The following CDH23 variants were observed in gnomAD, a reference collection of about 807,000 sequenced individuals.
CDH23 encodes the protein cadherin-23.
Under a neutral mutation model 317.1 loss-of-function variants are expected in CDH23, and 189 were observed. The observed-to-expected ratio is 0.60, with a 90% confidence interval of 0.53 to 0.67. The LOEUF is 0.67. CDH23 is among the 30% of genes least tolerant of loss of function. The probability of loss-of-function intolerance (pLI) is 0.00; values close to 1 mark genes in which losing one functional copy is unlikely to be tolerated. For synonymous variants in CDH23, 1,839 were observed against 1,876.8 expected, an observed-to-expected ratio of 0.98 and a Z score of 0.52; for missense variants, 4,401 against 4,592.4, an observed-to-expected ratio of 0.96 and a Z score of 1.20.
intron 2 of CDH23, among the ~76,000 whole-genome samples, chr10:71,440,211 TG>T (rs1354284995): frequency 1.3e-5 from 2 of 152,198 alleles, no homozygotes; most frequent in Non-Finnish European, 2.9e-5. Context: ...GTGCAGGGAC[TG>T]GCCACAGCTC....
At chr10:71,564,389 T>C (rs1198690849) in intron 6 of CDH23, among the ~76,000 whole-genome samples, 1 of 152,252 alleles carries the variant, frequency 6.6e-6, no homozygotes, top group Admixed American at 6.5e-5. Context: ...CTTCTAAGTA[T>C]ATGAATGGCT....
At position 71,400,415 on chromosome 10, in the gene CDH23, G is replaced by C. The variant is rs1010195454; in HGVS notation, c.-6+3097G>C. ...CTGCCAGGGGACAAGGTGATGAGGA[G>C]GAACTATGGGAGACACAGTCATGGG... On this transcript the variant is annotated intron_variant, in intron 1 of 69. Coordinates refer to ENST00000224721, the MANE Select transcript of CDH23 (RefSeq NM_022124.6). 3.8e-5 allele frequency among the ~76,000 whole-genome samples: 5 copies of C among 130,360 alleles called. No homozygotes were observed. The South Asian group carries it at 1.0e-3, about 27-fold the overall frequency. 85.5% of individuals were successfully genotyped at this position (130,360 alleles called of 152,430 possible).
At chr10:71,790,529 C>T (rs1841220648) in intron 46 of CDH23, 116 bp downstream of exon 46, 1 of 1,329,144 alleles carries the variant, frequency 7.5e-7, no homozygotes, top group African/African-American at 1.5e-5. Context: ...GTGGAGACCC[C>T]ATTTTTCACA....
intron 6 of CDH23, among the ~76,000 whole-genome samples, chr10:71,536,771 A>G (rs1855726551): frequency 6.6e-6 from 1 of 152,144 alleles, no homozygotes; most frequent in African/African-American, 2.4e-5. Context: ...GAAGGTCACA[A>G]TGAAGAGAAG....
rs544398521 is a variant in CDH23, at chr10:71,539,540, G to A, written c.430-27202G>A. Among the ~76,000 whole-genome samples, 1,454 of 151,960 alleles carry A rather than the reference G, an allele frequency of 9.6e-3. 15 individuals carry two copies. The highest frequency in any genetic ancestry group is 0.015 in the Non-Finnish European group (987 of 67,992). ...TGATGAACTAAATGATGCAAAACTA[G>A]AGATATAACAGCTCCTTTTATCTCC... On this transcript the variant is annotated intron_variant, in intron 6 of 69. Transcript: ENST00000224721.
intron 3 of CDH23, among the ~76,000 whole-genome samples, chr10:71,479,061 T>G (rs1197310760): frequency 1.3e-5 from 2 of 152,212 alleles, no homozygotes; most frequent in Non-Finnish European, 2.9e-5. Flanking sequence ...GGTTCTTCAC[T>G]GAGTCCTCAG....
At chr10:71,633,401 G>A (rs530385353) in intron 11 of CDH23, among the ~76,000 whole-genome samples, 2 of 151,936 alleles carry the variant, frequency 1.3e-5, no homozygotes, top group South Asian at 2.1e-4. Context: ...GCAACTATGC[G>A]GCCAATACAC....
chr10:71,532,230 A>G (rs1855414141), intron 6 of CDH23, among the ~76,000 whole-genome samples: 1 of 152,296 alleles, frequency 6.6e-6, no homozygotes, highest in African/African-American at 2.4e-5. Context: ...GGAGCCTCTA[A>G]TTGATGAACT....
Position 71,808,014 on chromosome 10 carries a change from C to T in CDH23, c.8722+7C>T, listed in dbSNP as rs2132990854. 4 of 1,576,126 alleles carry T rather than the reference C, an allele frequency of 2.5e-6. No homozygotes were observed. Among genetic ancestry groups the T allele is most frequent in the Non-Finnish European group, 3.4e-6 (4 of 1,160,414 alleles). On this transcript the variant is annotated splice_region_variant and intron_variant, in intron 60 of 69. Coordinates refer to ENST00000224721, the MANE Select transcript of CDH23 (RefSeq NM_022124.6). ...GGCCAGGTCTTCACCATGGGTAGGG[C>T]CTGGCAGCACATGAGTGGCCTCTAG...
At chr10:71,485,857 C>G (rs1229263362) in intron 3 of CDH23, among the ~76,000 whole-genome samples, 1 of 152,216 alleles carries the variant, frequency 6.6e-6, no homozygotes. Context: ...GGAGGTTGTC[C>G]AGGCGTCTCA....
At chr10:71,778,028 G>A (rs1374948933) in intron 39 of CDH23, 127 bp downstream of exon 39, 5 of 1,418,926 alleles carry the variant, frequency 3.5e-6, no homozygotes, top group Non-Finnish European at 4.8e-6. Flanking sequence ...GGCACTCAGT[G>A]TGGGAGGATG....
chr10:71,729,482 C>G (rs537502741), intron 30 of CDH23, among the ~76,000 whole-genome samples: 1 of 152,188 alleles, frequency 6.6e-6, no homozygotes, highest in Non-Finnish European at 1.5e-5. Flanking sequence ...TTGCTCTCCA[C>G]GCCCATCAAT....
chr10:71,590,008 T>C (rs1859359886), intron 9 of CDH23, among the ~76,000 whole-genome samples: 1 of 152,216 alleles, frequency 6.6e-6, no homozygotes, highest in African/African-American at 2.4e-5. Flanking sequence ...TAGAACTGGA[T>C]ACTGAACCCA....
intron 6 of CDH23, among the ~76,000 whole-genome samples, chr10:71,530,030 T>TACACACACAC (rs1296273359): frequency 1.4e-5 from 1 of 71,092 alleles, no homozygotes; most frequent in Non-Finnish European, 2.8e-5. Flanking sequence ...CATACACACA[T>TACACACACAC]ACAGACACAC....
intron 9 of CDH23, among the ~76,000 whole-genome samples, chr10:71,585,555 G>A (rs1248389198): frequency 6.6e-6 from 1 of 152,146 alleles, no homozygotes; most frequent in Non-Finnish European, 1.5e-5. Flanking sequence ...AGCCTCTAGA[G>A]GGTTTTTAAT....
chr10:71,428,914 G>A (rs1295975480), intron 1 of CDH23, among the ~76,000 whole-genome samples: 2 of 152,188 alleles, frequency 1.3e-5, no homozygotes, highest in African/African-American at 4.8e-5. Context: ...CTTCTATGGA[G>A]AAATTTGCCT....
At position 71,759,872 on chromosome 10, in the gene CDH23, TAC is replaced by T. The variant is rs1171869977; in HGVS notation, c.4846-17796_4846-17795del. On this transcript the variant is annotated intron_variant, in intron 38 of 69. Coordinates refer to ENST00000224721, the MANE Select transcript of CDH23 (RefSeq NM_022124.6). ...ATATACACACACACACACATATATA[TAC>T]ACACACACACATATACACACACACA... Among the ~76,000 whole-genome samples, 173 of 34,902 alleles carry T rather than the reference TAC, an allele frequency of 5.0e-3. 14 individuals are homozygous for T. The highest frequency in any genetic ancestry group is 0.024 in the Middle Eastern group (2 of 82). 22.9% of individuals were successfully genotyped at this position (34,902 alleles called of 152,430 possible). A position where few individuals can be genotyped will look rare whatever the true frequency, so the allele number is the denominator to read the frequency against.
intron 3 of CDH23, among the ~76,000 whole-genome samples, chr10:71,497,008 A>C (rs1044636481): frequency 1.3e-5 from 2 of 152,198 alleles, no homozygotes; most frequent in African/African-American, 4.8e-5. Flanking sequence ...CCACGGTCAC[A>C]TTCAGGGGAC....
chr10:71,529,730 C>T (rs1855250535), intron 6 of CDH23, among the ~76,000 whole-genome samples: 1 of 152,232 alleles, frequency 6.6e-6, no homozygotes, highest in East Asian at 1.9e-4. Flanking sequence ...CTCCCTTACT[C>T]GCCCCCAGCT....
Sources: gnomAD v4.1 joint callset for allele counts (sites outside exome capture counted in the v4.1 genomes callset) on GRCh38, gnomAD v4.1.1 for gene constraint, MANE v1.5 for transcripts, NCBI Gene and HGNC (gene_info 2026-07-23, HGNC 2026-07-21) for gene names.